SH3PXD2B: variants seen among roughly 807,000 people sequenced by gnomAD.
The protein encoded by SH3PXD2B is SH3 and PX domains 2B.
In SH3PXD2B, 37 loss-of-function variants were observed where a neutral mutation model predicts 73.1. The ratio of observed to expected loss-of-function variants is 0.51; its 90% CI spans 0.39 to 0.67. The LOEUF (loss-of-function observed/expected upper bound fraction) is 0.67, where lower values mean the gene tolerates loss of function less well. Ranked by LOEUF, SH3PXD2B falls within the 30% of genes least tolerant of loss-of-function variation. SH3PXD2B has a pLI of 0.00. For synonymous variants in SH3PXD2B, 457 were observed against 480.5 expected (o/e 0.95, Z 0.64); for missense variants, 1,053 against 1,197.8 (o/e 0.88, Z 1.78).
At chr5:172,367,410 T>C (rs1479674195) in intron 6 of SH3PXD2B, among the ~76,000 whole-genome samples, 1 of 144,588 alleles carries the variant, frequency 6.9e-6, no homozygotes, top group Non-Finnish European at 1.5e-5. Flanking sequence ...TTTTTTCAAA[T>C]AGATTTGGGG....
intron 4 of SH3PXD2B, among the ~76,000 whole-genome samples, chr5:172,385,601 T>C (rs1865002): frequency 0.51 from 77,119 of 152,110 alleles, 20,970 homozygotes; most frequent in East Asian, 0.71. Flanking sequence ...TAGAGGAGAC[T>C]TGGGTGGGTG....
At chr5:172,369,241 TG>T (rs1216174576) in intron 6 of SH3PXD2B, among the ~76,000 whole-genome samples, 2 of 149,888 alleles carry the variant, frequency 1.3e-5, no homozygotes, top group Admixed American at 6.7e-5. Flanking sequence ...TTGTTTGTTT[TG>T]TTTTTTTTTT....
intron 1 of SH3PXD2B, among the ~76,000 whole-genome samples, chr5:172,447,828 C>G (rs1759707603): frequency 6.6e-6 from 1 of 152,088 alleles, no homozygotes; most frequent in African/African-American, 2.4e-5. Context: ...GCTGGGACTT[C>G]TCCCATTGAG....
At chr5:172,414,410 C>T (rs1758771221) in intron 2 of SH3PXD2B, among the ~76,000 whole-genome samples, 1 of 144,642 alleles carries the variant, frequency 6.9e-6, no homozygotes, top group Non-Finnish European at 1.5e-5. Context: ...CGGAGGTGGC[C>T]GTGAGCCGAG....
chr5:172,334,893 C>G lies in SH3PXD2B; in HGVS notation c.*3476G>C. The G allele has an allele frequency of 1.0e-6, 1 of 985,382 alleles. No individual in the cohort carries two copies. Among genetic ancestry groups the G allele is most frequent in the Non-Finnish European group, 1.2e-6 (1 of 829,934 alleles). The allele number at this position is 985,382 out of a possible 1,614,324, so 61.0% of individuals were successfully genotyped here. On this transcript the variant is annotated 3_prime_UTR_variant, in exon 13 of 13. Transcript: ENST00000311601. ...TCAGTGGGCGCAAACATTTTAGGGC[C>G]AAGAACATTGACTTGGAAATTGATT...
At chr5:172,367,130 T>A (rs569962885) in intron 6 of SH3PXD2B, among the ~76,000 whole-genome samples, 1 of 150,486 alleles carries the variant, frequency 6.6e-6, no homozygotes, top group Non-Finnish European at 1.5e-5. Context: ...AGAGATGGGG[T>A]CTCACCCATG....
intron 4 of SH3PXD2B, among the ~76,000 whole-genome samples, chr5:172,384,846 T>C (rs1029123729): frequency 1.4e-4 from 22 of 152,272 alleles, no homozygotes; most frequent in African/African-American, 4.8e-4. Flanking sequence ...AGACTCAAAA[T>C]GGATAAACAC....
At chr5:172,439,251 GA>G (rs1240619268) in intron 1 of SH3PXD2B, among the ~76,000 whole-genome samples, 13 of 35,268 alleles carry the variant, frequency 3.7e-4, no homozygotes, top group Middle Eastern at 0.012. Flanking sequence ...AAAAAAAAAA[GA>G]AAAAAAAAAA....
At chr5:172,432,601 A>G (rs1044289147) in intron 1 of SH3PXD2B, among the ~76,000 whole-genome samples, 1 of 152,128 alleles carries the variant, frequency 6.6e-6, no homozygotes, top group African/African-American at 2.4e-5. Context: ...AAGTAGGCAA[A>G]TTCGCAAACA....
At position 172,432,973 on chromosome 5, in the gene SH3PXD2B, C is replaced by T. The variant is rs144255674; in HGVS notation, c.76-10477G>A. Among the ~76,000 whole-genome samples, 30 of 149,668 alleles carry T rather than the reference C, an allele frequency of 2.0e-4. No individual in the cohort carries two copies. In the East Asian group the frequency reaches 5.3e-3, roughly 26 times the overall value. ...ACTGTACCATATCTAAATGTATGTG[C>T]GTTTGTGTGTCTGTACACACACACA... On this transcript the variant is annotated intron_variant, in intron 1 of 12. Coordinates refer to ENST00000311601, the MANE Select transcript of SH3PXD2B (RefSeq NM_001017995.3).
chr5:172,382,053 G>A lies in SH3PXD2B; in HGVS notation c.384C>T (p.Asp128=), dbSNP rs1201584281. The A allele has an allele frequency of 1.9e-6, 3 of 1,611,882 alleles. No homozygotes were observed. Among genetic ancestry groups the A allele is most frequent in the Admixed American group, 3.3e-5 (2 of 59,728 alleles). The change falls in exon 5 of 13, where the codon GAC becomes GAT. Residue 128 remains aspartate (D), a synonymous_variant. Coordinates refer to ENST00000311601, the MANE Select transcript of SH3PXD2B (RefSeq NM_001017995.3). ...VLQFFETRPE[D]LNPPKEEHIG... is the part of the protein sequence containing the mutation. The stretch of plus-strand genomic sequence containing the variant: ...AAACTTACTCTTTGGGGGGATTCAG[G>A]TCCTCAGGTCTTGTCTCAAAGAACT...
intron 2 of SH3PXD2B, among the ~76,000 whole-genome samples, chr5:172,418,286 T>C (rs1035827044): frequency 3.3e-5 from 5 of 152,226 alleles, no homozygotes; most frequent in Admixed American, 6.5e-5. Flanking sequence ...ACATTCAGTG[T>C]TCCAGAAATG....
chr5:172,363,597 C>T (rs1019249001), intron 6 of SH3PXD2B, among the ~76,000 whole-genome samples: 1 of 152,092 alleles, frequency 6.6e-6, no homozygotes, highest in Admixed American at 6.6e-5. Context: ...AAGGAGGTGA[C>T]ATAACGCAGG....
At position 172,338,879 on chromosome 5, in the gene SH3PXD2B, GCT is replaced by G; in HGVS notation, c.2224_2225del (p.Ser742ArgfsTer42). 2 of 1,612,462 alleles carry G rather than the reference GCT, an allele frequency of 1.2e-6. No individual in the cohort carries two copies. Among genetic ancestry groups the G allele is most frequent in the East Asian group, 4.5e-5 (2 of 44,826 alleles). On this transcript the variant is annotated frameshift_variant, in exon 13 of 13. Transcript: ENST00000311601. LOFTEE classifies it low-confidence loss of function (END_TRUNC). The surrounding 1 kb of genome is among the most constrained non-coding windows in gnomAD (Gnocchi z 5.1). ...GAGCCTCTTGGAGAGGAACAGGCACGCTCTTAGACACAGGATCTGTGGTCTTG... is the reference window on the plus strand; with the variant it reads ...GAGCCTCTTGGAGAGGAACAGGCACGCTTAGACACAGGATCTGTGGTCTTG... ...PAKTTDPVSK[S>X]VPVPLQEAPQ... is the part of the protein sequence containing the mutation.
chr5:172,439,916 T>TA (rs1759513768), intron 1 of SH3PXD2B, among the ~76,000 whole-genome samples: 1 of 152,170 alleles, frequency 6.6e-6, no homozygotes, highest in African/African-American at 2.4e-5. Context: ...GGCTGCCAGC[T>TA]CACGCACTGC....
Position 172,435,036 on chromosome 5 carries a change from T to C in SH3PXD2B, c.76-12540A>G, listed in dbSNP as rs576781559. Among the ~76,000 whole-genome samples, 7 of 152,212 alleles carry C rather than the reference T, an allele frequency of 4.6e-5. No homozygotes were observed. In the South Asian group the frequency reaches 1.5e-3, roughly 32 times the overall value. On this transcript the variant is annotated intron_variant, in intron 1 of 12. Coordinates refer to ENST00000311601, the MANE Select transcript of SH3PXD2B (RefSeq NM_001017995.3). Reference sequence around the variant, plus strand: ...CTGAGCTCAGGCAATCCACCCTCCTTGGCTTCCCAAAGTGCTGGGATTACA... The same window carrying C: ...CTGAGCTCAGGCAATCCACCCTCCTCGGCTTCCCAAAGTGCTGGGATTACA...
In SH3PXD2B at chr5:172,368,526, T is replaced by TTA. The variant is rs1234851274; in HGVS notation, c.427+5262_427+5263dup. ...TATATATATATAAAATATATATATA[T>TTA]TATATATATATATAAAATATATATA... On this transcript the variant is annotated intron_variant, in intron 6 of 12. Coordinates refer to ENST00000311601, the MANE Select transcript of SH3PXD2B (RefSeq NM_001017995.3). Among the ~76,000 whole-genome samples the TTA allele has an allele frequency of 1.6e-3, 11 of 7,094 alleles. 1 individual carries two copies. Among genetic ancestry groups the TTA allele is most frequent in the Non-Finnish European group, 2.1e-3 (10 of 4,740 alleles). 4.7% of individuals were successfully genotyped at this position (7,094 alleles called of 152,430 possible).
intron 4 of SH3PXD2B, among the ~76,000 whole-genome samples, chr5:172,387,780 C>T (rs149747613): frequency 8.5e-5 from 13 of 152,256 alleles, no homozygotes; most frequent in Middle Eastern, 3.4e-3. Flanking sequence ...TTTTGATGAA[C>T]AGAAGTTCTT....
intron 6 of SH3PXD2B, among the ~76,000 whole-genome samples, chr5:172,363,176 GTCCA>G (rs947980244): frequency 7.2e-5 from 11 of 151,916 alleles, no homozygotes; most frequent in African/African-American, 1.5e-4. Context: ...CCATCCATCT[GTCCA>G]TCCATCCATC....
Sources: allele counts gnomAD v4.1 joint callset (sites outside exome capture counted in the v4.1 genomes callset), GRCh38; gene constraint gnomAD v4.1.1; non-coding constraint Gnocchi (gnomAD v3.1); transcripts MANE v1.5; gene names NCBI Gene and HGNC (gene_info 2026-07-23, HGNC 2026-07-21).